OSBP2: variants seen among roughly 807,000 people sequenced by gnomAD.
The protein encoded by OSBP2 is oxysterol-binding protein 2.
In OSBP2, 66 loss-of-function variants were observed where a neutral mutation model predicts 96.0. The ratio of observed to expected loss-of-function variants is 0.69; its 90% CI spans 0.56 to 0.84. OSBP2 has a LOEUF of 0.84. Among genes scored for constraint, OSBP2 ranks in the 40% least tolerant of loss-of-function variants. OSBP2 has a pLI of 0.00. For synonymous variants in OSBP2, 525 were observed against 520.9 expected, an observed-to-expected ratio of 1.01 and a Z score of -0.11; for missense variants, 1,038 against 1,222.7, an observed-to-expected ratio of 0.85 and a Z score of 2.25.
Position 30,695,116 on chromosome 22 carries a change from GTCGGAGGCAGTT to G in OSBP2, c.219_230del (p.Ser74_Val77del), listed in dbSNP as rs772193271. The G allele has an allele frequency of 8.2e-6, 13 of 1,594,260 alleles. No individual in the cohort carries two copies. In the East Asian group the frequency reaches 9.0e-5, roughly 11 times the overall value. The stretch of plus-strand genomic sequence containing the variant: ...AGCGGGGACCGCTGTCAGAACAGGT[GTCGGAGGCAGTT>G]TCGGAGGCAGTGCCAAGATCGGAAC... On this transcript the variant is annotated inframe_deletion, in exon 1 of 14. Coordinates refer to ENST00000332585, the MANE Select transcript of OSBP2 (RefSeq NM_030758.4).
chr22:30,855,089 A>G (rs1318951904), intron 2 of OSBP2, among the ~76,000 whole-genome samples: 4 of 152,208 alleles, frequency 2.6e-5, no homozygotes, highest in African/African-American at 4.8e-5. Context: ...TGTGGGGATT[A>G]TGGGAACTAC....
intron 2 of OSBP2, among the ~76,000 whole-genome samples, chr22:30,790,220 A>G (rs773086832): frequency 1.9e-4 from 29 of 152,196 alleles, no homozygotes; most frequent in Non-Finnish European, 3.7e-4. Context: ...GCCCTGGCCT[A>G]CAGGGATTCC....
chr22:30,903,666 T>C (rs916909527), intron 12 of OSBP2, among the ~76,000 whole-genome samples: 2 of 152,218 alleles, frequency 1.3e-5, no homozygotes, highest in Non-Finnish European at 2.9e-5. Flanking sequence ...GGGTTTCTTT[T>C]CTCCTGGGCC....
chr22:30,903,066 C>T (rs1227592766), intron 12 of OSBP2, among the ~76,000 whole-genome samples: 2 of 152,188 alleles, frequency 1.3e-5, no homozygotes, highest in African/African-American at 2.4e-5. Context: ...TTCCTAGCAG[C>T]ACATGGGGTT....
intron 2 of OSBP2, among the ~76,000 whole-genome samples, chr22:30,758,177 C>A (rs538044362): frequency 6.6e-6 from 1 of 152,180 alleles, no homozygotes; most frequent in South Asian, 2.1e-4. Flanking sequence ...TGAGGCAGGC[C>A]GATCACTTGA....
intron 8 of OSBP2, among the ~76,000 whole-genome samples, chr22:30,891,352 G>T (rs555126044): frequency 8.5e-5 from 13 of 152,158 alleles, no homozygotes; most frequent in African/African-American, 2.9e-4. Context: ...GCCTGGGTGC[G>T]GTGGGATGGA....
At chr22:30,892,256 T>C (rs1056337287) in intron 8 of OSBP2, among the ~76,000 whole-genome samples, 6 of 152,062 alleles carry the variant, frequency 3.9e-5, no homozygotes, top group Non-Finnish European at 7.4e-5. Context: ...GGCAGGATGC[T>C]GAGGTATAGG....
intron 2 of OSBP2, among the ~76,000 whole-genome samples, chr22:30,778,918 C>T (rs1602251446): frequency 2.0e-5 from 3 of 151,318 alleles, no homozygotes; most frequent in African/African-American, 4.9e-5. Context: ...CACCTGTAAT[C>T]CCAGCTACTT....
chr22:30,779,558 G>A (rs1364706747), intron 2 of OSBP2, among the ~76,000 whole-genome samples: 2 of 152,082 alleles, frequency 1.3e-5, no homozygotes, highest in Non-Finnish European at 2.9e-5. Flanking sequence ...GTGGTCCTGG[G>A]CGGTATGGTC....
intron 2 of OSBP2, among the ~76,000 whole-genome samples, chr22:30,808,057 G>A (rs925224023): frequency 6.6e-5 from 10 of 152,160 alleles, no homozygotes; most frequent in Admixed American, 6.6e-4. Flanking sequence ...CCCAAAGTGC[G>A]GGGATTACAG....
intron 2 of OSBP2, among the ~76,000 whole-genome samples, chr22:30,763,553 G>T (rs1275500017): frequency 6.6e-6 from 1 of 151,562 alleles, no homozygotes; most frequent in Non-Finnish European, 1.5e-5. Flanking sequence ...GGCTGAGGCA[G>T]GAGAATTGCT....
chr22:30,882,576 G>T (rs997054936), intron 3 of OSBP2, among the ~76,000 whole-genome samples: 1 of 151,992 alleles, frequency 6.6e-6, no homozygotes, highest in East Asian at 1.9e-4. Context: ...CAGTGGGCCC[G>T]CGGTGTGAGG....
intron 2 of OSBP2, among the ~76,000 whole-genome samples, chr22:30,743,859 G>T (rs947518994): frequency 6.6e-6 from 1 of 152,108 alleles, no homozygotes; most frequent in Non-Finnish European, 1.5e-5. Context: ...GGAAGGAAGT[G>T]CTTGTTAACT....
intron 2 of OSBP2, among the ~76,000 whole-genome samples, chr22:30,807,305 G>A (rs765368585): frequency 2.0e-5 from 3 of 152,106 alleles, no homozygotes; most frequent in Non-Finnish European, 2.9e-5. Flanking sequence ...CATTTTCTCT[G>A]AATTCTGTCG....
intron 2 of OSBP2, among the ~76,000 whole-genome samples, chr22:30,822,879 C>T (rs1298624767): frequency 6.6e-6 from 1 of 152,184 alleles, no homozygotes; most frequent in Non-Finnish European, 1.5e-5. Flanking sequence ...ACCCCGCCGG[C>T]GTGCGCTCCC....
At chr22:30,804,469 G>A (rs934148826) in intron 2 of OSBP2, among the ~76,000 whole-genome samples, 2 of 152,210 alleles carry the variant, frequency 1.3e-5, no homozygotes, top group Non-Finnish European at 2.9e-5. Context: ...TGAAATGAAA[G>A]AGGAGGGGGG....
intron 2 of OSBP2, among the ~76,000 whole-genome samples, chr22:30,802,555 C>G (rs2090865005): frequency 6.6e-6 from 1 of 152,252 alleles, no homozygotes; most frequent in African/African-American, 2.4e-5. Flanking sequence ...AGTGTCGTGT[C>G]GGGTTCCAGG....
At chr22:30,829,331 CT>C (rs2146999407) in intron 2 of OSBP2, among the ~76,000 whole-genome samples, 1 of 152,326 alleles carries the variant, frequency 6.6e-6, no homozygotes, top group East Asian at 1.9e-4. Context: ...GCTCTGGAGT[CT>C]TCCAGGCTGC....
chr22:30,835,927 C>G (rs879844873), intron 2 of OSBP2, among the ~76,000 whole-genome samples: 5 of 151,978 alleles, frequency 3.3e-5, no homozygotes, highest in Non-Finnish European at 7.4e-5. Context: ...CTATGTTGCC[C>G]AGGCTGGTTT....
Sources: gnomAD v4.1 joint callset for allele counts (sites outside exome capture counted in the v4.1 genomes callset) on GRCh38, gnomAD v4.1.1 for gene constraint, MANE v1.5 for transcripts, NCBI Gene and HGNC (gene_info 2026-07-23, HGNC 2026-07-21) for gene names.